SPAG17: variants seen among roughly 807,000 people sequenced by gnomAD.
SPAG17 encodes sperm-associated antigen 17.
SPAG17 carries 169 observed loss-of-function variants against 273.6 expected under a neutral mutation model. The ratio of observed to expected loss-of-function variants is 0.62; its 90% CI spans 0.55 to 0.70. The LOEUF is 0.70. Among genes scored for constraint, SPAG17 ranks in the 30% least tolerant of loss-of-function variants. The probability of loss-of-function intolerance (pLI) is 0.00; values close to 1 mark genes in which losing one functional copy is unlikely to be tolerated. For synonymous variants in SPAG17, 825 were observed against 873.2 expected (o/e 0.94, Z 0.97); for missense variants, 2,557 against 2,627.8 (o/e 0.97, Z 0.59).
chr1:118,127,110 GGTA>G (rs1657779396), intron 3 of SPAG17, among the ~76,000 whole-genome samples: 1 of 152,174 alleles, frequency 6.6e-6, no homozygotes, highest in Admixed American at 6.5e-5. Context: ...TTTGAAGTCA[GGTA>G]GTATGAAGCC....
At chr1:118,030,280 T>C (rs1020208425) in intron 25 of SPAG17, among the ~76,000 whole-genome samples, 1 of 152,176 alleles carries the variant, frequency 6.6e-6, no homozygotes, top group African/African-American at 2.4e-5. Context: ...ACCCAGGTTC[T>C]TGGGTATTTT....
intron 4 of SPAG17, among the ~76,000 whole-genome samples, chr1:118,112,427 CAGAT>C (rs1301197310): frequency 6.6e-6 from 1 of 151,722 alleles, no homozygotes; most frequent in African/African-American, 2.4e-5. Context: ...AAATTATTAA[CAGAT>C]AGAAATAAAA....
chr1:118,115,872 A>C (rs572303532), intron 3 of SPAG17, among the ~76,000 whole-genome samples: 2 of 152,370 alleles, frequency 1.3e-5, no homozygotes, highest in South Asian at 4.1e-4. Flanking sequence ...GTTTTATAAT[A>C]GTGGAAATGA....
At chr1:118,058,255 T>C (rs921773961) in intron 18 of SPAG17, among the ~76,000 whole-genome samples, 10 of 152,174 alleles carry the variant, frequency 6.6e-5, no homozygotes, top group Admixed American at 5.2e-4. Context: ...TAACCCAGGC[T>C]GGAGTGCAGG....
At chr1:118,142,506 C>T (rs1658736358) in intron 3 of SPAG17, among the ~76,000 whole-genome samples, 1 of 152,086 alleles carries the variant, frequency 6.6e-6, no homozygotes, top group Admixed American at 6.6e-5. Flanking sequence ...AATTTAAAGC[C>T]TGCTCATAAA....
chr1:118,146,308 T>C (rs932066982), intron 3 of SPAG17, among the ~76,000 whole-genome samples: 3 of 152,230 alleles, frequency 2.0e-5, no homozygotes, highest in Non-Finnish European at 4.4e-5. Context: ...ATTTTCCTTT[T>C]TAATTTTGGT....
In SPAG17 at chr1:118,012,301, A is replaced by G; in HGVS notation, c.4359T>C (p.Ala1453=). Residue 1453 remains alanine (A), a synonymous_variant, in exon 30 of 49, where the codon GCT becomes GCC. Transcript: ENST00000336338. ...RKDGTRIVDH[A]DGTRITTFYQ... is the part of the protein sequence containing the mutation. Reference sequence around the variant, plus strand: ...AAAAGGTTGTGATTCTGGTACCATCAGCATGATCCACTATCCGAGTACCAT... The same window carrying G: ...AAAAGGTTGTGATTCTGGTACCATCGGCATGATCCACTATCCGAGTACCAT... 1.9e-6 allele frequency: 3 copies of G among 1,613,832 alleles called. No homozygotes were observed. Among genetic ancestry groups the G allele is most frequent in the Non-Finnish European group, 1.7e-6 (2 of 1,179,806 alleles).
At chr1:117,957,332 T>A in intron 48 of SPAG17, 1 of 1,124,670 alleles carries the variant, frequency 8.9e-7, no homozygotes, top group Non-Finnish European at 1.2e-6. Flanking sequence ...ATCCCAGCAC[T>A]TTGGGAGGCT....
At chr1:118,016,249 C>T in intron 28 of SPAG17, 67 bp from the exon 29 acceptor site, 1 of 1,294,644 alleles carries the variant, frequency 7.7e-7, no homozygotes, top group Non-Finnish European at 1.1e-6. Context: ...ACATCATTCA[C>T]TATGTTTTGA....
chr1:118,101,134 G>A (rs1188484933), intron 5 of SPAG17, among the ~76,000 whole-genome samples: 5 of 152,182 alleles, frequency 3.3e-5, no homozygotes, highest in Non-Finnish European at 5.9e-5. Flanking sequence ...GTTTAAGAGA[G>A]CCAGGTGTAG....
intron 21 of SPAG17, among the ~76,000 whole-genome samples, chr1:118,041,545 T>C (rs1649751397): frequency 6.6e-6 from 1 of 152,078 alleles, no homozygotes; most frequent in Non-Finnish European, 1.5e-5. Flanking sequence ...TTGTGTCAAA[T>C]TTCTGTGTTT....
chr1:118,183,835 T>A (rs192991756), intron 1 of SPAG17, among the ~76,000 whole-genome samples: 4 of 152,246 alleles, frequency 2.6e-5, no homozygotes, highest in African/African-American at 9.6e-5. Flanking sequence ...GGAGAAAAAA[T>A]TATTTTGGCT....
At position 118,070,983 on chromosome 1, in the gene SPAG17, A is replaced by T. The variant is rs561875836; in HGVS notation, c.2385+2871T>A. 1.1e-3 allele frequency among the ~76,000 whole-genome samples: 168 copies of T among 152,234 alleles called. 2 individuals are homozygous for T. Among genetic ancestry groups the T allele is most frequent in the African/African-American group, 3.8e-3 (159 of 41,538 alleles). On this transcript the variant is annotated intron_variant, in intron 17 of 48. Coordinates refer to ENST00000336338, the MANE Select transcript of SPAG17 (RefSeq NM_206996.4). ...TCATTACCTAGCTCTCAAAACACTG[A>T]CAGGAAGGCTTATGTCTTTCAGACA... is the stretch of plus-strand genomic sequence containing the variant.
At chr1:118,012,433 T>C (rs1659577099) in intron 29 of SPAG17, 61 bp from the exon 30 acceptor site, 4 of 1,546,336 alleles carry the variant, frequency 2.6e-6, no homozygotes, top group African/African-American at 2.8e-5. Context: ...AGTGTACTTA[T>C]TTTTATCCAT....
intron 3 of SPAG17, among the ~76,000 whole-genome samples, chr1:118,146,763 A>G (rs1313920791): frequency 6.6e-6 from 1 of 152,164 alleles, no homozygotes; most frequent in Non-Finnish European, 1.5e-5. Context: ...GTTAAATCCA[A>G]ATTCTTCATT....
intron 4 of SPAG17, among the ~76,000 whole-genome samples, 180 bp from the exon 5 acceptor site, chr1:118,102,106 C>A (rs938733477): frequency 1.3e-5 from 2 of 152,114 alleles, no homozygotes. Context: ...TGTGACAAGG[C>A]ACATTTATGC....
chr1:117,980,198 G>A (rs1199952535), intron 43 of SPAG17, among the ~76,000 whole-genome samples: 3 of 152,036 alleles, frequency 2.0e-5, no homozygotes, highest in African/African-American at 7.2e-5. Context: ...AAACACAAAA[G>A]TCTTGTATGG....
In SPAG17 at chr1:118,022,206, A is replaced by G. The variant is rs551500499; in HGVS notation, c.4069+1098T>C. On this transcript the variant is annotated intron_variant, in intron 28 of 48. Coordinates refer to ENST00000336338, the MANE Select transcript of SPAG17 (RefSeq NM_206996.4). ...CTAGCTAAGAGACCTCAAGGAAATTACTTAACTTCTCTCCCTCAATTTTCT... is the reference window on the plus strand; with the variant it reads ...CTAGCTAAGAGACCTCAAGGAAATTGCTTAACTTCTCTCCCTCAATTTTCT... 4.6e-5 allele frequency among the ~76,000 whole-genome samples: 7 copies of G among 152,284 alleles called. No homozygotes were observed. In the South Asian group the frequency reaches 1.5e-3, roughly 32 times the overall value.
chr1:118,173,413 T>C (rs1660508617), intron 1 of SPAG17, among the ~76,000 whole-genome samples: 1 of 152,044 alleles, frequency 6.6e-6, no homozygotes, highest in African/African-American at 2.4e-5. Flanking sequence ...CAAGGGACTG[T>C]TTTATGTCTG....
Sources: allele counts gnomAD v4.1 joint callset (sites outside exome capture counted in the v4.1 genomes callset), GRCh38; gene constraint gnomAD v4.1.1; transcripts MANE v1.5; gene names NCBI Gene and HGNC (gene_info 2026-07-23, HGNC 2026-07-21).